The following ABCB4 variants were observed in gnomAD, a reference collection of about 807,000 sequenced individuals.
ABCB4 encodes the protein ATP binding cassette subfamily B member 4.
Under a neutral mutation model 145.7 loss-of-function variants are expected in ABCB4, and 76 were observed. The ratio of observed to expected loss-of-function variants is 0.52; its 90% CI spans 0.43 to 0.63. The LOEUF is 0.63. Ranked by LOEUF, ABCB4 falls within the 30% of genes least tolerant of loss-of-function variation. ABCB4 has a pLI of 0.00. For synonymous variants in ABCB4, 517 were observed against 566.8 expected (o/e 0.91, Z 1.25); for missense variants, 1,234 against 1,553.1 (o/e 0.79, Z 3.45).
chr7:87,406,350 C>T lies in ABCB4; in HGVS notation c.3424G>A (p.Asp1142Asn). Residue 1142 changes from aspartate (D) to asparagine (N), a missense_variant, in exon 26 of 28, where the codon GAT (aspartate) becomes AAT (asparagine). Transcript: ENST00000649586. ...YGDNSRVVSQDEIVSAAKAAN... is the reference protein window; with the variant it reads ...YGDNSRVVSQNEIVSAAKAAN... ...GCTTTGGCTGCACTCACAATTTCAT[C>T]CTGTGATACAACCCGGCTGTTGTCT... 2 of 1,614,022 alleles carry T rather than the reference C, an allele frequency of 1.2e-6. No individual in the cohort carries two copies. The highest frequency in any genetic ancestry group is 1.7e-6 in the Non-Finnish European group (2 of 1,179,986).
At chr7:87,367,385 C>T in the ABCB4 span, among the ~76,000 whole-genome samples, 1 of 152,152 alleles carries the variant, frequency 6.6e-6, no homozygotes, top group African/African-American at 2.4e-5. Context: ...CTTCTAGAGC[C>T]TCTAGAAGGA....
At chr7:87,373,224 TTTGTATATATC>T in the ABCB4 span, among the ~76,000 whole-genome samples, 1 of 152,190 alleles carries the variant, frequency 6.6e-6, no homozygotes, top group Non-Finnish European at 1.5e-5. Flanking sequence ...ATTTTGGCCA[TTTGTATATATC>T]TTCCTTGGAG....
At chr7:87,379,413 A>G in the ABCB4 span, among the ~76,000 whole-genome samples, 4 of 152,180 alleles carry the variant, frequency 2.6e-5, no homozygotes, top group Non-Finnish European at 5.9e-5. Context: ...TGGATGTTAT[A>G]TTGTTATATA....
chr7:87,400,756 C>T (rs1807745856), downstream of ABCB4, among the ~76,000 whole-genome samples: 1 of 152,190 alleles, frequency 6.6e-6, no homozygotes, highest in Non-Finnish European at 1.5e-5. Context: ...TTGGGATGCT[C>T]AGCCAGTGAG....
At chr7:87,468,941 T>TAAAATAAAATAAAATA (rs1554416079) in intron 3 of ABCB4, among the ~76,000 whole-genome samples, 21 of 138,934 alleles carry the variant, frequency 1.5e-4, no homozygotes, top group African/African-American at 5.5e-4. Flanking sequence ...AAAAAATAAA[T>TAAAATAAAATAAAATA]AAATAAAATA....
intron 4 of ABCB4, among the ~76,000 whole-genome samples, chr7:87,458,309 CA>C (rs1484860198): frequency 3.3e-5 from 5 of 152,334 alleles, no homozygotes; most frequent in Non-Finnish European, 5.9e-5. Flanking sequence ...ACTTTCTGCA[CA>C]ACTGACTCAT....
At chr7:87,393,073 G>C in the ABCB4 span, 4 of 1,610,806 alleles carry the variant, frequency 2.5e-6, no homozygotes, top group Non-Finnish European at 3.4e-6. Flanking sequence ...GACAGGTGAG[G>C]CTTCTCTTTT....
chr7:87,430,724 A>C (rs558223310), intron 15 of ABCB4, among the ~76,000 whole-genome samples: 39 of 152,148 alleles, frequency 2.6e-4, no homozygotes, highest in African/African-American at 8.9e-4. Flanking sequence ...TGGGGGTTTC[A>C]CAATGTTGGC....
Position 87,409,304 on chromosome 7 carries a change from C to G in ABCB4, c.3013G>C (p.Ala1005Pro). ...CTTTCAAACAGCATGAATAAGTGGGCTGCAGACAGCTTAGCTTTAGCATAG... is the reference window on the plus strand; with the variant it reads ...CTTTCAAACAGCATGAATAAGTGGGGTGCAGACAGCTTAGCTTTAGCATAG... ...PDYAKAKLSAAHLFMLFERQP... is the reference protein window; with the variant it reads ...PDYAKAKLSAPHLFMLFERQP... The change falls in exon 24 of 28, where the codon GCC becomes CCC. Residue 1005 changes from alanine (A) to proline (P), a missense_variant. Ala to Pro is a conservative substitution (Grantham distance 27). Around this residue, in one of 7 missense-constraint regions of ABCB4, gnomAD observed 301 missense variants for 389.0 expected, o/e 0.77. Coordinates refer to ENST00000649586, the MANE Select transcript of ABCB4 (RefSeq NM_000443.4). 1 of 1,614,078 alleles carries G rather than the reference C, an allele frequency of 6.2e-7. No homozygotes were observed. The highest frequency in any genetic ancestry group is 8.5e-7 in the Non-Finnish European group (1 of 1,180,012).
chr7:87,378,857 T>C, the ABCB4 span, among the ~76,000 whole-genome samples: 1 of 152,194 alleles, frequency 6.6e-6, no homozygotes, highest in African/African-American at 2.4e-5. Flanking sequence ...GTAAAGTAGC[T>C]GTTATTTCAG....
chr7:87,418,602 C>T lies in ABCB4; in HGVS notation c.2413G>A (p.Asp805Asn), dbSNP rs769649884. 1 of 1,614,094 alleles carries T rather than the reference C, an allele frequency of 6.2e-7. No homozygotes were observed. Among genetic ancestry groups the T allele is most frequent in the Admixed American group, 1.7e-5 (1 of 60,012 alleles). The change falls in exon 20 of 28, where the codon GAC becomes AAC. Residue 805 changes from aspartate (D) to asparagine (N), a missense_variant. This residue lies in a region of ABCB4 where 321 missense variants were observed against 332.6 expected (regional missense o/e 0.97). Transcript: ENST00000649586. ...AGTGCACCAGTACTGTTTTTATGGT[C>T]ATCAAACCAGCTCATGTCCTATGGC... ...MLRQDMSWFD[D>N]HKNSTGALST... is the part of the protein sequence containing the mutation.
chr7:87,432,781 G>A (rs777976121), intron 14 of ABCB4, among the ~76,000 whole-genome samples: 6 of 152,132 alleles, frequency 3.9e-5, no homozygotes, highest in African/African-American at 1.2e-4. Context: ...TCTGGAATTC[G>A]ATAGCAGTGA....
chr7:87,475,294 C>T, intron 2 of ABCB4, 92 bp downstream of exon 2: 3 of 1,477,158 alleles, frequency 2.0e-6, no homozygotes, highest in Non-Finnish European at 2.8e-6. Flanking sequence ...TCTTCAAAGG[C>T]ATCAACCGAT....
rs570956149 is a variant in ABCB4, at chr7:87,473,055, T to C, written c.81-380A>G. ...TGGAGAGTGGTGTCAGGCAATCTTGTTGGTGATACATTCAAAGTACATCTA... is the reference window on the plus strand; with the variant it reads ...TGGAGAGTGGTGTCAGGCAATCTTGCTGGTGATACATTCAAAGTACATCTA... On this transcript the variant is annotated intron_variant, in intron 2 of 27. Coordinates refer to ENST00000649586, the MANE Select transcript of ABCB4 (RefSeq NM_000443.4). 9.2e-5 allele frequency among the ~76,000 whole-genome samples: 14 copies of C among 152,362 alleles called. No individual in the cohort carries two copies. The South Asian group carries it at 2.9e-3, about 32-fold the overall frequency.
chr7:87,445,065 A>C, intron 9 of ABCB4, 90 bp from the exon 10 acceptor site: 1 of 872,350 alleles, frequency 1.1e-6, no homozygotes. Context: ...TAGTACATAA[A>C]GGATTAAGTT....
At position 87,401,821 on chromosome 7, in the gene ABCB4, A is replaced by G. The variant is rs982365273; in HGVS notation, c.*275T>C. 1.8e-5 allele frequency: 10 copies of G among 566,354 alleles called. No homozygotes were observed. The highest frequency in any genetic ancestry group is 1.7e-4 in the African/African-American group (9 of 53,840). The allele number at this position is 566,354 out of a possible 1,614,324, so 35.1% of individuals were successfully genotyped here. ...ATGTCTGTGGCTTCTATATTTCTAC[A>G]CCTGTACTTACCTTGAATTTTGTTC... On this transcript the variant is annotated 3_prime_UTR_variant, in exon 28 of 28. Coordinates refer to ENST00000649586, the MANE Select transcript of ABCB4 (RefSeq NM_000443.4).
chr7:87,466,226 C>A (rs1019967639), intron 3 of ABCB4, among the ~76,000 whole-genome samples: 3 of 152,162 alleles, frequency 2.0e-5, no homozygotes, highest in Admixed American at 1.3e-4. Context: ...AGCTGAAAAC[C>A]ATGGCACAAG....
At chr7:87,423,876 C>T (rs1380193243) in intron 17 of ABCB4, 30 bp downstream of exon 17, 1 of 1,613,792 alleles carries the variant, frequency 6.2e-7, no homozygotes, top group East Asian at 2.2e-5. Flanking sequence ...TGATCTAATT[C>T]AGGCTGTTAT....
chr7:87,425,542 C>T (rs1008662267), intron 16 of ABCB4, among the ~76,000 whole-genome samples: 4 of 152,164 alleles, frequency 2.6e-5, no homozygotes, highest in African/African-American at 9.7e-5. Context: ...AATTAGTTTT[C>T]TCAGGCCAAC....
Sources: gnomAD v4.1 joint callset for allele counts (sites outside exome capture counted in the v4.1 genomes callset) on GRCh38, gnomAD v4.1.1 for gene constraint, gnomAD v4.1.1 regional missense constraint, MANE v1.5 for transcripts, NCBI Gene and HGNC (gene_info 2026-07-23, HGNC 2026-07-21) for gene names.